Variants in SLC6A2 observed in about 807,000 individuals in gnomAD.
The protein encoded by SLC6A2 is solute carrier family 6 member 2.
SLC6A2 carries 26 observed loss-of-function variants against 71.7 expected under a neutral mutation model. The observed-to-expected ratio is 0.36, with a 90% CI of 0.27 to 0.50. SLC6A2 has a LOEUF of 0.50. Ranked by LOEUF, SLC6A2 falls within the 20% of genes least tolerant of loss-of-function variation. The probability of loss-of-function intolerance (pLI) is 0.96; values close to 1 mark genes in which losing one functional copy is unlikely to be tolerated. For synonymous variants in SLC6A2, 363 were observed against 337.9 expected, an observed-to-expected ratio of 1.07 and a Z score of -0.82; for missense variants, 581 against 803.9, an observed-to-expected ratio of 0.72 and a Z score of 3.35.
At position 55,691,939 on chromosome 16, in the gene SLC6A2, C is replaced by T; in HGVS notation, c.805C>T (p.Leu269=). The change falls in exon 6 of 15, where the codon CTG becomes TTG. Residue 269 remains leucine (L), a synonymous_variant. Transcript: ENST00000568943. ...SGKVVWITAT[L]PYFVLFVLLV... Reference sequence around the variant, plus strand: ...CCAGGTGGTGTGGATCACAGCCACGCTGCCTTACTTCGTGCTGTTCGTGCT... The same window carrying T: ...CCAGGTGGTGTGGATCACAGCCACGTTGCCTTACTTCGTGCTGTTCGTGCT... 1 of 1,614,128 alleles carries T rather than the reference C, an allele frequency of 6.2e-7. No homozygotes were observed. The highest frequency in any genetic ancestry group is 8.5e-7 in the Non-Finnish European group (1 of 1,180,016).
Position 55,701,906 on chromosome 16 carries a change from T to G in SLC6A2, c.1802T>G (p.Val601Gly). 6.2e-7 allele frequency: 1 copy of G among 1,614,086 alleles called. No individual in the cohort carries two copies. Among genetic ancestry groups the G allele is most frequent in the Non-Finnish European group, 8.5e-7 (1 of 1,179,910 alleles). ...GITPENEHHL[V>G]AQRDIRQFQL... Reference sequence around the variant, plus strand: ...ACGCCAGAGAACGAGCACCACCTGGTGGCTCAGAGGGACATCAGACAGTTC... The same window carrying G: ...ACGCCAGAGAACGAGCACCACCTGGGGGCTCAGAGGGACATCAGACAGTTC... The change falls in exon 14 of 15, where the codon GTG becomes GGG. Residue 601 changes from valine (V) to glycine (G), a missense_variant. This residue lies in a region of SLC6A2 where 334 missense variants were observed against 449.0 expected (regional missense o/e 0.74). Coordinates refer to ENST00000568943, the MANE Select transcript of SLC6A2 (RefSeq NM_001172501.3).
At chr16:55,695,543 CT>C in intron 8 of SLC6A2, 141 bp downstream of exon 8, 1 of 940,460 alleles carries the variant, frequency 1.1e-6, no homozygotes, top group South Asian at 1.4e-5. Context: ...ATGTGATTGA[CT>C]TTCCTTTGAG....
chr16:55,687,493 A>G (rs541440751), intron 5 of SLC6A2, among the ~76,000 whole-genome samples: 1 of 152,100 alleles, frequency 6.6e-6, no homozygotes, highest in African/African-American at 2.4e-5. Context: ...GAAGGAAGGG[A>G]TTCTTAGCAG....
intron 2 of SLC6A2, among the ~76,000 whole-genome samples, chr16:55,657,912 C>CTCCTGCGGTGCTCAG (rs1610905): frequency 9.9e-5 from 15 of 151,798 alleles, no homozygotes; most frequent in Admixed American, 9.2e-4. Flanking sequence ...AGGGGCTTTG[C>CTCCTGCGGTGCTCAG]TCCTGCCACT....
intron 12 of SLC6A2, 82 bp downstream of exon 12, chr16:55,699,736 T>C: frequency 7.8e-6 from 8 of 1,025,554 alleles, no homozygotes; most frequent in Non-Finnish European, 1.2e-5. Flanking sequence ...ATTTGCTTCT[T>C]AGGGGAGGAG....
intron 5 of SLC6A2, among the ~76,000 whole-genome samples, chr16:55,689,963 G>T (rs1238872249): frequency 1.3e-5 from 2 of 152,174 alleles, no homozygotes. Context: ...CTCCCATGCT[G>T]ACCCAGTTAC....
chr16:55,691,233 GAGAGAGAGAGAGAGAGA>G (rs1567451229), intron 5 of SLC6A2, among the ~76,000 whole-genome samples: 9 of 3,572 alleles, frequency 2.5e-3, no homozygotes, highest in Non-Finnish European at 3.1e-3. Context: ...GAGAGGGGGA[GAGAGAGAGAGAGAGAGA>G]GAGAGAGAGA....
intron 13 of SLC6A2, among the ~76,000 whole-genome samples, 155 bp downstream of exon 13, chr16:55,700,461 T>C (rs1965940409): frequency 6.6e-6 from 1 of 152,144 alleles, no homozygotes; most frequent in Admixed American, 6.5e-5. Context: ...TTTTCCCCCA[T>C]GAGCCTCAGT....
In SLC6A2 at chr16:55,699,511, A is replaced by C. The variant is rs769434415; in HGVS notation, c.1490-43A>C. The C allele has an allele frequency of 2.6e-6, 4 of 1,512,656 alleles. No individual in the cohort carries two copies. In the South Asian group the frequency reaches 4.5e-5, roughly 17 times the overall value. The allele number at this position is 1,512,656 out of a possible 1,614,324, so 93.7% of individuals were successfully genotyped here. ...CTCATGGGAGGACCTGGCCCTGGCT[A>C]TCATGGGGGCCATGGTAACAGGCCT... On this transcript the variant is annotated intron_variant, in intron 11 of 14. Coordinates refer to ENST00000568943, the MANE Select transcript of SLC6A2 (RefSeq NM_001172501.3).
At chr16:55,668,637 A>G (rs734980) in intron 2 of SLC6A2, among the ~76,000 whole-genome samples, 14,191 of 152,176 alleles carry the variant, frequency 0.093, 832 homozygotes, top group Non-Finnish European at 0.12. Flanking sequence ...CACCTCGCAG[A>G]GTCAGAATCC....
rs775041539 is a variant in SLC6A2 at position 55,695,389 on chromosome 16, T to C, written c.1134T>C (p.Asp378=). ...MAHEHKVNIE[D]VATEGAGLVF... The stretch of plus-strand genomic sequence containing the variant: ...ATGAACACAAGGTCAACATTGAGGA[T>C]GTGGCCACAGAAGGTGGGTGGGCAG... Residue 378 remains aspartate (D), a synonymous_variant, in exon 8 of 15, where the codon GAT becomes GAC. Coordinates refer to ENST00000568943, the MANE Select transcript of SLC6A2 (RefSeq NM_001172501.3). 6.2e-7 allele frequency: 1 copy of C among 1,614,212 alleles called. No individual in the cohort carries two copies. Among genetic ancestry groups the C allele is most frequent in the Non-Finnish European group, 8.5e-7 (1 of 1,180,022 alleles).
In SLC6A2 at chr16:55,702,592, C is replaced by T. The variant is rs1021980677; in HGVS notation, c.*246C>T. On this transcript the variant is annotated 3_prime_UTR_variant, in exon 15 of 15. Transcript: ENST00000568943. ...AGGAAAATGACTTCTGTTCTGTCCC[C>T]GCTGTTTTGGGGGAAGTCTCTCCCA... The T allele has an allele frequency of 4.3e-5, 61 of 1,413,814 alleles. No homozygotes were observed. In the African/African-American group the frequency reaches 4.9e-4, roughly 11 times the overall value. The allele number at this position is 1,413,814 out of a possible 1,614,324, so 87.6% of individuals were successfully genotyped here. A position where few individuals can be genotyped will look rare whatever the true frequency, so the allele number is the denominator to read the frequency against.
At chr16:55,681,369 C>G (rs527849746) in intron 4 of SLC6A2, among the ~76,000 whole-genome samples, 249 of 152,292 alleles carry the variant, frequency 1.6e-3, no homozygotes, top group African/African-American at 5.6e-3. Flanking sequence ...GCCACCAGCC[C>G]CCGGCACACT....
intron 2 of SLC6A2, among the ~76,000 whole-genome samples, chr16:55,660,081 G>T (rs1197966272): frequency 6.6e-6 from 1 of 152,218 alleles, no homozygotes; most frequent in Non-Finnish European, 1.5e-5. Flanking sequence ...GGCTGCTTAG[G>T]AAGGGCTGGG....
At position 55,656,681 on chromosome 16, in the gene SLC6A2, C is replaced by A. The variant is rs1422940050; in HGVS notation, c.-14C>A. 3 of 1,611,546 alleles carry A rather than the reference C, an allele frequency of 1.9e-6. No homozygotes were observed. The highest frequency in any genetic ancestry group is 1.1e-5 in the South Asian group (1 of 90,986). On this transcript the variant is annotated 5_prime_UTR_variant, in exon 2 of 15. Transcript: ENST00000568943. This position sits in a 1 kb window ranked among gnomAD's most constrained non-coding sequence, Gnocchi z 4.5. ...CCCCCAGGACCGGTAAAGTTCCTCT[C>A]GCCAGCCGCATCCATGCTTCTGGCG...
rs543117574 is a variant in SLC6A2 at position 55,703,019 on chromosome 16, T to C, written c.*673T>C. On this transcript the variant is annotated 3_prime_UTR_variant, in exon 15 of 15. Transcript: ENST00000568943. ...TGTGTTCTGGAACATTCCTCCAGCT[T>C]TTGGTGGTCAGATGGCCCAGAGATA... 5 of 986,586 alleles carry C rather than the reference T, an allele frequency of 5.1e-6. No homozygotes were observed. The East Asian group carries it at 4.5e-4, about 89-fold the overall frequency. 61.1% of individuals were successfully genotyped at this position (986,586 alleles called of 1,614,324 possible).
intron 4 of SLC6A2, among the ~76,000 whole-genome samples, chr16:55,673,372 G>C (rs1964983981): frequency 6.6e-6 from 1 of 152,066 alleles, no homozygotes; most frequent in Non-Finnish European, 1.5e-5. Flanking sequence ...CCTGTGTAGA[G>C]AGAGTTATTT....
In SLC6A2 at chr16:55,704,784, T is replaced by C. The variant is rs185473302; in HGVS notation, c.*2438T>C. On this transcript the variant is annotated 3_prime_UTR_variant, in exon 15 of 15. Coordinates refer to ENST00000568943, the MANE Select transcript of SLC6A2 (RefSeq NM_001172501.3). ...GGTGAATCGGAGATGTGGTGCTAGCTGAACCAACACCAAACCAACGCAGTG... is the reference window on the plus strand; with the variant it reads ...GGTGAATCGGAGATGTGGTGCTAGCCGAACCAACACCAAACCAACGCAGTG... 12 of 156,542 alleles carry C rather than the reference T, an allele frequency of 7.7e-5. No individual in the cohort carries two copies. The highest frequency in any genetic ancestry group is 2.9e-4 in the African/African-American group (12 of 41,696). The allele number at this position is 156,542 out of a possible 1,614,324, so 9.7% of individuals were successfully genotyped here. A position where few individuals can be genotyped will look rare whatever the true frequency, so the allele number is the denominator to read the frequency against.
chr16:55,679,188 T>G (rs183516607), intron 4 of SLC6A2, among the ~76,000 whole-genome samples: 1 of 151,878 alleles, frequency 6.6e-6, no homozygotes, highest in Non-Finnish European at 1.5e-5. Context: ...GAATTAAGCA[T>G]CAGATAGGGT....
Sources: allele counts gnomAD v4.1 joint callset (sites outside exome capture counted in the v4.1 genomes callset), GRCh38; gene constraint gnomAD v4.1.1; regional missense constraint gnomAD v4.1.1; non-coding constraint Gnocchi (gnomAD v3.1); transcripts MANE v1.5; gene names NCBI Gene and HGNC (gene_info 2026-07-23, HGNC 2026-07-21).